NFATC1: variants seen among roughly 807,000 people sequenced by gnomAD.
NFATC1 encodes the protein nuclear factor of activated T-cells, cytoplasmic 1.
In NFATC1, 22 loss-of-function variants were observed where a neutral mutation model predicts 76.0. The observed-to-expected ratio is 0.29, with a 90% CI of 0.21 to 0.41. NFATC1 has a LOEUF of 0.41. Ranked by LOEUF, NFATC1 falls within the 10% of genes least tolerant of loss-of-function variation. The pLI, the probability that NFATC1 is intolerant of heterozygous loss-of-function variation, is 1.00. For missense variants in NFATC1, 1,357 were observed against 1,337.7 expected, an observed-to-expected ratio of 1.01 and a Z score of -0.23; for synonymous variants, 704 against 613.1, an observed-to-expected ratio of 1.15 and a Z score of -2.19.
At chr18:79,481,124 G>A (rs1394088391) in intron 8 of NFATC1, among the ~76,000 whole-genome samples, 20 of 152,260 alleles carry the variant, frequency 1.3e-4, no homozygotes, top group African/African-American at 4.8e-4. Context: ...TTCACAGAGA[G>A]CACTTGGCCA....
In NFATC1 at chr18:79,396,170, G is replaced by A; in HGVS notation, c.-55G>A. ...AGACCCGACCCCGGCAGCGCGGGGCGGCCGCTTCTCCTGTGCCTCCGCCCG... is the reference window on the plus strand; with the variant it reads ...AGACCCGACCCCGGCAGCGCGGGGCAGCCGCTTCTCCTGTGCCTCCGCCCG... On this transcript the variant is annotated 5_prime_UTR_variant, in exon 1 of 10. Coordinates refer to ENST00000427363, the MANE Select transcript of NFATC1 (RefSeq NM_001278669.2). 7.2e-7 allele frequency: 1 copy of A among 1,397,406 alleles called. No homozygotes were observed. Among genetic ancestry groups the A allele is most frequent in the Non-Finnish European group, 9.4e-7 (1 of 1,063,056 alleles). The allele number at this position is 1,397,406 out of a possible 1,614,324, so 86.6% of individuals were successfully genotyped here.
rs2086667435 is a variant in NFATC1 at position 79,433,490 on chromosome 18, C to T, written c.1227-89C>T. 4.0e-6 allele frequency: 6 copies of T among 1,516,036 alleles called. No individual in the cohort carries two copies. The South Asian group carries it at 6.8e-5, about 17-fold the overall frequency. The allele number at this position is 1,516,036 out of a possible 1,614,324, so 93.9% of individuals were successfully genotyped here. A position where few individuals can be genotyped will look rare whatever the true frequency, so the allele number is the denominator to read the frequency against. On this transcript the variant is annotated intron_variant, in intron 2 of 9. Transcript: ENST00000427363. ...GTGCACTCGCCGATGAAGTGTCCACCCAAGATGGCGACGGGTGAGCACGGG... is the reference window on the plus strand; with the variant it reads ...GTGCACTCGCCGATGAAGTGTCCACTCAAGATGGCGACGGGTGAGCACGGG...
rs553634221 is a variant in NFATC1 at position 79,467,235 on chromosome 18, C to T, written c.1960-215C>T. On this transcript the variant is annotated intron_variant, in intron 7 of 9. Transcript: ENST00000427363. Reference sequence around the variant, plus strand: ...ACAGAGCATCCAGGGCTGTCATCAGCTGCTTCTGGACCGCCCAGGTGGCTG... The same window carrying T: ...ACAGAGCATCCAGGGCTGTCATCAGTTGCTTCTGGACCGCCCAGGTGGCTG... Among the ~76,000 whole-genome samples, 329 of 152,058 alleles carry T rather than the reference C, an allele frequency of 2.2e-3. 1 individual carries two copies. Among genetic ancestry groups the T allele is most frequent in the Non-Finnish European group, 3.6e-3 (244 of 68,030 alleles).
At chr18:79,414,230 G>A (rs551384215) in intron 2 of NFATC1, among the ~76,000 whole-genome samples, 1 of 152,272 alleles carries the variant, frequency 6.6e-6, no homozygotes, top group African/African-American at 2.4e-5. Flanking sequence ...TGGCAGGCGT[G>A]GAAAATGTCA....
intron 3 of NFATC1, among the ~76,000 whole-genome samples, chr18:79,441,215 C>T (rs2086963015): frequency 6.6e-6 from 1 of 152,204 alleles, no homozygotes; most frequent in Non-Finnish European, 1.5e-5. Context: ...GGCTGTGGCG[C>T]TGCAGGGTGC....
chr18:79,495,735 G>T (rs1428045085), intron 9 of NFATC1, among the ~76,000 whole-genome samples: 2 of 152,288 alleles, frequency 1.3e-5, no homozygotes, highest in African/African-American at 4.8e-5. Context: ...TTGTCATCTT[G>T]TGTAGGCAAG....
At chr18:79,419,197 A>C (rs1406271605) in intron 2 of NFATC1, among the ~76,000 whole-genome samples, 1 of 152,010 alleles carries the variant, frequency 6.6e-6, no homozygotes, top group Non-Finnish European at 1.5e-5. Flanking sequence ...CTAATTGTTT[A>C]AGTTTTGTGG....
intron 2 of NFATC1, among the ~76,000 whole-genome samples, chr18:79,416,424 G>C (rs2085877477): frequency 1.3e-5 from 2 of 152,206 alleles, no homozygotes; most frequent in South Asian, 2.1e-4. Context: ...GCAGGCTTTT[G>C]ACAGCTCCCA....
At chr18:79,526,850 C>T (rs2090779327) in intron 9 of NFATC1, among the ~76,000 whole-genome samples, 1 of 152,192 alleles carries the variant, frequency 6.6e-6, no homozygotes, top group African/African-American at 2.4e-5. Context: ...CAGCCCATGG[C>T]AGAGGGAAGC....
At chr18:79,481,210 G>A (rs1194828458) in intron 8 of NFATC1, among the ~76,000 whole-genome samples, 1 of 152,232 alleles carries the variant, frequency 6.6e-6, no homozygotes, top group Non-Finnish European at 1.5e-5. Flanking sequence ...CATGCTTCAA[G>A]CTGGAACAGC....
chr18:79,510,083 T>TCC (rs1388648257), intron 9 of NFATC1, among the ~76,000 whole-genome samples: 117 of 152,350 alleles, frequency 7.7e-4, no homozygotes, highest in African/African-American at 2.7e-3. Flanking sequence ...AAACCAAATT[T>TCC]AGGAAAACAG....
At chr18:79,493,351 G>C (rs914187878) in intron 9 of NFATC1, 1 of 152,256 alleles carries the variant, frequency 6.6e-6, no homozygotes, top group African/African-American at 2.4e-5. Context: ...TGCGGTGCCC[G>C]CGGGTCTGTG....
At position 79,478,600 on chromosome 18, in the gene NFATC1, C is replaced by G. The variant is rs191606225; in HGVS notation, c.2093-7648C>G. On this transcript the variant is annotated intron_variant, in intron 8 of 9. Coordinates refer to ENST00000427363, the MANE Select transcript of NFATC1 (RefSeq NM_001278669.2). ...CAGGCTTGGGGGTTCTTTAAGAGGC[C>G]AGGATTGTGCCGAATGCTCTTTGGC... 2.9e-4 allele frequency among the ~76,000 whole-genome samples: 44 copies of G among 152,234 alleles called. 1 individual carries two copies. In the East Asian group the frequency reaches 7.7e-3, roughly 27 times the overall value.
At chr18:79,454,332 T>C (rs1042259063) in intron 6 of NFATC1, among the ~76,000 whole-genome samples, 1 of 152,208 alleles carries the variant, frequency 6.6e-6, no homozygotes, top group Admixed American at 6.5e-5. Context: ...GCTCAGCCTC[T>C]GCGTATCAGC....
At chr18:79,502,846 A>G (rs1258770039) in intron 9 of NFATC1, among the ~76,000 whole-genome samples, 1 of 152,220 alleles carries the variant, frequency 6.6e-6, no homozygotes, top group Non-Finnish European at 1.5e-5. Flanking sequence ...ACGAGGAGAA[A>G]TTGGGCCCCT....
At chr18:79,455,278 G>A (rs560761222) in intron 6 of NFATC1, among the ~76,000 whole-genome samples, 5 of 152,360 alleles carry the variant, frequency 3.3e-5, no homozygotes, top group East Asian at 1.9e-4. Context: ...GTTTGCCAGC[G>A]ATCGCGCAGC....
At chr18:79,491,511 C>T (rs78107380) in intron 9 of NFATC1, among the ~76,000 whole-genome samples, 3 of 152,300 alleles carry the variant, frequency 2.0e-5, no homozygotes, top group Non-Finnish European at 4.4e-5. Context: ...CTCAGACACA[C>T]CCCTGACTAT....
chr18:79,436,744 A>G (rs1388461103), intron 3 of NFATC1, among the ~76,000 whole-genome samples: 1 of 151,812 alleles, frequency 6.6e-6, no homozygotes, highest in Non-Finnish European at 1.5e-5. Flanking sequence ...GGGGTCCGGC[A>G]TCCGGGTACC....
intron 2 of NFATC1, among the ~76,000 whole-genome samples, chr18:79,416,259 C>G (rs1395711806): frequency 6.6e-6 from 1 of 152,250 alleles, no homozygotes; most frequent in Non-Finnish European, 1.5e-5. Context: ...GATCAGCTAA[C>G]CCCCAGCACA....
Sources: allele counts gnomAD v4.1 joint callset (sites outside exome capture counted in the v4.1 genomes callset), GRCh38; gene constraint gnomAD v4.1.1; transcripts MANE v1.5; gene names NCBI Gene and HGNC (gene_info 2026-07-23, HGNC 2026-07-21).